The following MORN3 variants were observed in gnomAD, a reference collection of about 807,000 sequenced individuals.
MORN3 encodes the protein MORN repeat containing 3.
MORN3 carries 38 observed loss-of-function variants against 34.7 expected under a neutral mutation model. The observed-to-expected ratio is 1.10, with a 90% CI of 0.85 to 1.44. The LOEUF is 1.44. Among genes scored for constraint, MORN3 ranks in the 40% most tolerant of loss-of-function variants. The pLI is 0.00. For synonymous variants in MORN3, 109 were observed against 115.3 expected (o/e 0.95, Z 0.35); for missense variants, 311 against 321.7 (o/e 0.97, Z 0.25).
rs782766126 is a variant in MORN3, at chr12:121,654,326, G to GTAGATGTC, written c.403_410dup (p.Tyr137Ter). 31 of 1,602,712 alleles carry GTAGATGTC rather than the reference G, an allele frequency of 1.9e-5. No homozygotes were observed. The highest frequency in any genetic ancestry group is 2.5e-5 in the Non-Finnish European group (29 of 1,175,488). ...GCTTGTCGTTCTCCCACTGTCCCTC[G>GTAGATGTC]TAGATGTCGCCGTTGCTGTAATACA... On this transcript the variant is annotated stop_gained and frameshift_variant, in exon 3 of 6. Coordinates refer to ENST00000355329, the MANE Select transcript of MORN3 (RefSeq NM_173855.5). LOFTEE classifies it high-confidence loss of function.
upstream of MORN3, chr12:121,669,664 T>C (rs1893889088): frequency 1.2e-6 from 1 of 817,534 alleles, no homozygotes; most frequent in African/African-American, 1.7e-5. Flanking sequence ...TGACCTTTGG[T>C]TGGCCCCTCC....
intron 1 of MORN3, among the ~76,000 whole-genome samples, 168 bp from the exon 2 acceptor site, chr12:121,659,516 A>ATTTC (rs539023370): frequency 0.017 from 2,488 of 149,684 alleles, 51 homozygotes; most frequent in African/African-American, 0.048. Flanking sequence ...GGAAAGTTCC[A>ATTTC]TTTCTTTCTT....
chr12:121,672,229 C>A (rs1003744839), upstream of MORN3, among the ~76,000 whole-genome samples: 1 of 150,986 alleles, frequency 6.6e-6, no homozygotes, highest in African/African-American at 2.4e-5. Flanking sequence ...GAAGCTGATG[C>A]GGGAGGATCA....
rs2136865621 is a variant in MORN3, at chr12:121,652,710, G to A, written c.*6+18C>T. On this transcript the variant is annotated intron_variant, in intron 5 of 5. Coordinates refer to ENST00000355329, the MANE Select transcript of MORN3 (RefSeq NM_173855.5). ...GCCTCAGCCACATCAGAACTTGGCA[G>A]GTGTGCCCACCCCTCACCTGGCATC... The A allele has an allele frequency of 6.2e-7, 1 of 1,612,612 alleles. No individual in the cohort carries two copies. The highest frequency in any genetic ancestry group is 2.2e-5 in the East Asian group (1 of 44,872).
chr12:121,657,881 TTAA>T (rs60032768), intron 2 of MORN3, among the ~76,000 whole-genome samples: 1 of 151,552 alleles, frequency 6.6e-6, no homozygotes, highest in African/African-American at 2.4e-5. Flanking sequence ...AATAAATAAA[TTAA>T]TAATAATAAT....
intron 5 of MORN3, 142 bp from the exon 6 acceptor site, chr12:121,651,786 G>T (rs1427356592): frequency 1.3e-5 from 2 of 152,276 alleles, no homozygotes; most frequent in African/African-American, 4.8e-5. Context: ...GAGGCTGAAG[G>T]CCAACTGCCT....
intron 1 of MORN3, among the ~76,000 whole-genome samples, chr12:121,665,970 G>A (rs1032894931): frequency 3.9e-5 from 6 of 151,962 alleles, no homozygotes; most frequent in Middle Eastern, 6.8e-3. Flanking sequence ...TTTAATACAG[G>A]GGATGGAAGA....
At chr12:121,670,860 C>T (rs1459940337), upstream of MORN3, among the ~76,000 whole-genome samples, 1 of 151,514 alleles carries the variant, frequency 6.6e-6, no homozygotes, top group African/African-American at 2.4e-5. Flanking sequence ...CTGTAATCCC[C>T]AGCACTTTGG....
At chr12:121,654,559 A>G in intron 2 of MORN3, 126 bp from the exon 3 acceptor site, 1 of 1,036,314 alleles carries the variant, frequency 9.6e-7, no homozygotes, top group Non-Finnish European at 1.4e-6. Context: ...CCTACGTCCA[A>G]GCGGAGGGTC....
intron 2 of MORN3, 54 bp downstream of exon 2, chr12:121,659,137 G>GCACA (rs57639477): frequency 0.17 from 241,225 of 1,451,106 alleles, 3,114 homozygotes; most frequent in Middle Eastern, 0.22. Context: ...ACACACGCGC[G>GCACA]CACACACACA....
chr12:121,665,724 C>T (rs1269525735), intron 1 of MORN3, among the ~76,000 whole-genome samples: 7 of 135,624 alleles, frequency 5.2e-5, no homozygotes, highest in African/African-American at 2.0e-4. Flanking sequence ...GAGATCACAC[C>T]ATTGCACTCC....
At chr12:121,664,177 G>A (rs76938623) in intron 1 of MORN3, among the ~76,000 whole-genome samples, 5,811 of 152,288 alleles carry the variant, frequency 0.038, 224 homozygotes, top group African/African-American at 0.095. Context: ...CATGGAGGGA[G>A]ACGCCAAGTT....
At chr12:121,652,631 C>G in intron 5 of MORN3, 97 bp downstream of exon 5, 2 of 1,180,500 alleles carry the variant, frequency 1.7e-6, no homozygotes, top group Non-Finnish European at 2.5e-6. Context: ...CTCCCCGACC[C>G]CAAGCCCTTT....
chr12:121,663,952 G>C (rs1352685060), intron 1 of MORN3, among the ~76,000 whole-genome samples: 1 of 152,024 alleles, frequency 6.6e-6, no homozygotes, highest in African/African-American at 2.4e-5. Context: ...AAACCCCCAA[G>C]GTTTGGGTGG....
At chr12:121,653,389 A>G (rs1432417209) in intron 3 of MORN3, 130 bp from the exon 4 acceptor site, 2 of 954,612 alleles carry the variant, frequency 2.1e-6, no homozygotes, top group East Asian at 2.6e-5. Flanking sequence ...TCATAAGCCC[A>G]GGAGATCAAG....
intron 1 of MORN3, 110 bp downstream of exon 1, chr12:121,669,229 T>C: frequency 2.8e-6 from 4 of 1,432,300 alleles, no homozygotes; most frequent in Non-Finnish European, 3.8e-6. Flanking sequence ...TGGGGGAGCC[T>C]TGGGGACACA....
At chr12:121,654,892 C>A (rs1480512833) in intron 2 of MORN3, among the ~76,000 whole-genome samples, 2 of 151,976 alleles carry the variant, frequency 1.3e-5, no homozygotes, top group Non-Finnish European at 2.9e-5. Context: ...GCCATAGTGC[C>A]CACCGATAAT....
At chr12:121,666,706 A>G (rs965735160) in intron 1 of MORN3, among the ~76,000 whole-genome samples, 1 of 151,954 alleles carries the variant, frequency 6.6e-6, no homozygotes, top group Non-Finnish European at 1.5e-5. Flanking sequence ...ATTTGCTTTT[A>G]TGGGGTGCTT....
intron 1 of MORN3, 150 bp downstream of exon 1, chr12:121,669,189 C>T (rs1368011929): frequency 6.3e-6 from 6 of 954,650 alleles, no homozygotes; most frequent in Non-Finnish European, 7.7e-6. Flanking sequence ...CATGTGAAGG[C>T]CCCCAGCTGG....
Sources: allele counts gnomAD v4.1 joint callset (sites outside exome capture counted in the v4.1 genomes callset), GRCh38; gene constraint gnomAD v4.1.1; transcripts MANE v1.5; gene names NCBI Gene and HGNC (gene_info 2026-07-23, HGNC 2026-07-21).